Variants in NHLRC2 observed in about 807,000 individuals in gnomAD.
NHLRC2 encodes the protein NHL repeat-containing protein 2.
NHLRC2 carries 33 observed loss-of-function variants against 68.1 expected under a neutral mutation model. That is an observed-to-expected ratio of 0.48 (90% confidence interval 0.37 to 0.65). The LOEUF (loss-of-function observed/expected upper bound fraction) is 0.65. NHLRC2 is among the 30% of genes least tolerant of loss of function. The probability of loss-of-function intolerance (pLI) is 0.00; values close to 1 mark genes in which losing one functional copy is unlikely to be tolerated. For missense variants in NHLRC2, 761 were observed against 853.8 expected, an observed-to-expected ratio of 0.89 and a Z score of 1.35; for synonymous variants, 311 against 309.6, an observed-to-expected ratio of 1.00 and a Z score of -0.05.
At chr10:113,870,744 T>C (rs981412856) in intron 2 of NHLRC2, among the ~76,000 whole-genome samples, 3 of 152,336 alleles carry the variant, frequency 2.0e-5, no homozygotes, top group Middle Eastern at 3.4e-3. Flanking sequence ...CCAGTTTGTA[T>C]TTCTGCTAGC....
At chr10:113,904,760 A>G in intron 9 of NHLRC2, 57 bp from the exon 10 acceptor site, 1 of 1,272,838 alleles carries the variant, frequency 7.9e-7, no homozygotes. Flanking sequence ...ATATGCTCTC[A>G]TTCTATAATT....
chr10:113,891,375 G>A (rs1368344775), intron 5 of NHLRC2, among the ~76,000 whole-genome samples: 1 of 152,086 alleles, frequency 6.6e-6, no homozygotes, highest in East Asian at 1.9e-4. Flanking sequence ...ACTCGGAAGC[G>A]GGTAATGTTT....
chr10:113,901,095 C>G (rs1304774051), intron 6 of NHLRC2, among the ~76,000 whole-genome samples: 2 of 151,934 alleles, frequency 1.3e-5, no homozygotes, highest in Non-Finnish European at 2.9e-5. Flanking sequence ...ACATAATTAT[C>G]CCATGTAATT....
In NHLRC2 at chr10:113,905,656, C is replaced by T. The variant is rs1002909788; in HGVS notation, c.1924+620C>T. The stretch of plus-strand genomic sequence containing the variant: ...GATATTCCTCTGTCCTGGTCTCCCA[C>T]GCTCTTTCACACTTTCTCACTCAAT... On this transcript the variant is annotated intron_variant, in intron 10 of 10. Transcript: ENST00000369301. 4.6e-5 allele frequency among the ~76,000 whole-genome samples: 7 copies of T among 152,114 alleles called. No individual in the cohort carries two copies. The South Asian group carries it at 1.2e-3, about 27-fold the overall frequency.
At chr10:113,863,923 A>C (rs1845839112) in intron 2 of NHLRC2, among the ~76,000 whole-genome samples, 1 of 152,232 alleles carries the variant, frequency 6.6e-6, no homozygotes, top group African/African-American at 2.4e-5. Flanking sequence ...AAGAAATAGA[A>C]AACCTGAATA....
At chr10:113,867,514 T>C (rs1845879514) in intron 2 of NHLRC2, among the ~76,000 whole-genome samples, 1 of 152,208 alleles carries the variant, frequency 6.6e-6, no homozygotes, top group African/African-American at 2.4e-5. Flanking sequence ...GTTCTTAGTA[T>C]AAAAACGAAA....
At chr10:113,885,330 A>G (rs73345597) in intron 5 of NHLRC2, among the ~76,000 whole-genome samples, 4,865 of 152,022 alleles carry the variant, frequency 0.032, 276 homozygotes, top group African/African-American at 0.11. Context: ...TGAGAATTCT[A>G]CTTATGGAAT....
At position 113,913,159 on chromosome 10, in the gene NHLRC2, C is replaced by A. The variant is rs560136081; in HGVS notation, c.*4623C>A. The A allele has an allele frequency of 9.2e-5, 14 of 152,266 alleles. No homozygotes were observed. Among genetic ancestry groups the A allele is most frequent in the African/African-American group, 3.1e-4 (13 of 41,544 alleles). 9.4% of individuals were successfully genotyped at this position (152,266 alleles called of 1,614,324 possible). ...CAGAGAGGGTAAGCATAATCAAATA[C>A]ACCAGCATAACCAAAATCACACATT... is the stretch of plus-strand genomic sequence containing the variant. On this transcript the variant is annotated 3_prime_UTR_variant, in exon 11 of 11. Coordinates refer to ENST00000369301, the MANE Select transcript of NHLRC2 (RefSeq NM_198514.4).
intron 7 of NHLRC2, 65 bp from the exon 8 acceptor site, chr10:113,902,406 A>G (rs1846236783): frequency 8.9e-7 from 1 of 1,117,696 alleles, no homozygotes; most frequent in Non-Finnish European, 1.3e-6. Context: ...TTTCCTTCAT[A>G]TTCTAACAAA....
chr10:113,891,496 A>G (rs1209586520), intron 5 of NHLRC2, among the ~76,000 whole-genome samples: 1 of 152,188 alleles, frequency 6.6e-6, no homozygotes, highest in Non-Finnish European at 1.5e-5. Context: ...GATTGAGTCA[A>G]TTTGGTCAGG....
intron 2 of NHLRC2, among the ~76,000 whole-genome samples, chr10:113,865,850 C>T (rs1845863112): frequency 6.6e-6 from 1 of 152,114 alleles, no homozygotes; most frequent in African/African-American, 2.4e-5. Flanking sequence ...GATCACATGG[C>T]AGCTCAATAA....
intron 2 of NHLRC2, among the ~76,000 whole-genome samples, chr10:113,859,925 G>A (rs1564849385): frequency 6.6e-6 from 1 of 152,172 alleles, no homozygotes; most frequent in Non-Finnish European, 1.5e-5. Flanking sequence ...TGGGGCAGAA[G>A]GGACACTCCT....
rs1384961146 is a variant in NHLRC2, at chr10:113,908,553, C to T, written c.*17C>T. On this transcript the variant is annotated 3_prime_UTR_variant, in exon 11 of 11. Transcript: ENST00000369301. ...GTATTTTAGCCAGCCAGCTAGCTAG[C>T]AACCCATTGCCACCACCTACTGTCT... 2 of 1,612,830 alleles carry T rather than the reference C, an allele frequency of 1.2e-6. No homozygotes were observed. Among genetic ancestry groups the T allele is most frequent in the East Asian group, 4.5e-5 (2 of 44,798 alleles).
At position 113,854,680 on chromosome 10, in the gene NHLRC2, G is replaced by A; in HGVS notation, c.-193G>A. On this transcript the variant is annotated 5_prime_UTR_variant, in exon 1 of 11. Coordinates refer to ENST00000369301, the MANE Select transcript of NHLRC2 (RefSeq NM_198514.4). ...GACGGCAGTTTAATTACGTCCCCGG[G>A]AACTGCGCCGATTTGGACTTTTGGC... 1 of 560,616 alleles carries A rather than the reference G, an allele frequency of 1.8e-6. No homozygotes were observed. Among genetic ancestry groups the A allele is most frequent in the Non-Finnish European group, 3.1e-6 (1 of 318,258 alleles). 34.7% of individuals were successfully genotyped at this position (560,616 alleles called of 1,614,324 possible).
intron 2 of NHLRC2, among the ~76,000 whole-genome samples, chr10:113,868,967 T>C (rs576318308): frequency 1.3e-5 from 2 of 151,652 alleles, no homozygotes; most frequent in East Asian, 3.9e-4. Context: ...AGGAAAAGAG[T>C]GTGGAGAAGA....
intron 2 of NHLRC2, among the ~76,000 whole-genome samples, chr10:113,867,414 C>T (rs1441473454): frequency 6.6e-6 from 1 of 152,232 alleles, no homozygotes; most frequent in Non-Finnish European, 1.5e-5. Context: ...AGCCTGATAT[C>T]AGTGTTTGAT....
intron 4 of NHLRC2, among the ~76,000 whole-genome samples, chr10:113,881,011 C>T (rs1846032175): frequency 6.6e-6 from 1 of 151,784 alleles, no homozygotes; most frequent in Non-Finnish European, 1.5e-5. Flanking sequence ...CCAGAGAGCC[C>T]TTTATAGGCA....
chr10:113,908,322 T>C lies in NHLRC2; in HGVS notation c.1967T>C (p.Ile656Thr), dbSNP rs777669706. The C allele has an allele frequency of 5.6e-6, 9 of 1,613,638 alleles. No homozygotes were observed. Among genetic ancestry groups the C allele is most frequent in the Admixed American group, 1.7e-5 (1 of 60,004 alleles). The change falls in exon 11 of 11, where the codon ATA (isoleucine) becomes ACA (threonine). Residue 656 changes from isoleucine (I) to threonine (T), a missense_variant. Physicochemically the swap from Ile to Thr is moderately conservative, Grantham distance 89 (BLOSUM62 -1). Coordinates refer to ENST00000369301, the MANE Select transcript of NHLRC2 (RefSeq NM_198514.4). The part of the protein sequence containing the change: ...LLQGQIAAGD[I>T]ENISSQPTIS... Reference sequence around the variant, plus strand: ...CAAGGACAGATAGCAGCTGGAGATATAGAGAACATTTCCAGTCAACCAACA... The same window carrying C: ...CAAGGACAGATAGCAGCTGGAGATACAGAGAACATTTCCAGTCAACCAACA...
intron 2 of NHLRC2, among the ~76,000 whole-genome samples, chr10:113,875,979 C>T (rs1433651381): frequency 1.4e-5 from 2 of 145,846 alleles, no homozygotes; most frequent in African/African-American, 5.1e-5. Context: ...AGTATGTTTT[C>T]AGCAGTTCTG....
Sources: allele counts gnomAD v4.1 joint callset (sites outside exome capture counted in the v4.1 genomes callset), GRCh38; gene constraint gnomAD v4.1.1; transcripts MANE v1.5; gene names NCBI Gene and HGNC (gene_info 2026-07-23, HGNC 2026-07-21).